Variants in ALG2 observed in about 807,000 individuals in gnomAD.
ALG2 encodes the protein alpha-1,3/1,6-mannosyltransferase ALG2.
ALG2 carries 32 observed loss-of-function variants against 30.5 expected under a neutral mutation model. The observed-to-expected ratio is 1.05, with a 90% CI of 0.79 to 1.41. ALG2 has a LOEUF of 1.41. ALG2 is among the 40% of genes most tolerant of loss of function. The pLI, the probability that ALG2 is intolerant of heterozygous loss-of-function variation, is 0.00. For synonymous variants in ALG2, 253 were observed against 224.8 expected, an observed-to-expected ratio of 1.13 and a Z score of -1.12; for missense variants, 574 against 526.4, an observed-to-expected ratio of 1.09 and a Z score of -0.88.
rs387906281 is a variant in ALG2 at position 99,218,144 on chromosome 9, AC to A, written c.1040del (p.Gly347ValfsTer27). 89 of 1,611,228 alleles carry A rather than the reference AC, an allele frequency of 5.5e-5. No individual in the cohort carries two copies. Among genetic ancestry groups the A allele is most frequent in the Non-Finnish European group, 7.0e-5 (83 of 1,177,870 alleles). On this transcript the variant is annotated frameshift_variant, in exon 2 of 2. Transcript: ENST00000476832. LOFTEE classifies it high-confidence loss of function. ...MQCPVIAVNS[G>X]GPLESIDHSV... is the part of the protein sequence containing the mutation. Reference sequence around the variant, plus strand: ...TGTGGTCAATGGACTCCAAGGGTCCACCCGAATTAACAGCAATGACTGGGCA... The same window carrying A: ...TGTGGTCAATGGACTCCAAGGGTCCACCGAATTAACAGCAATGACTGGGCA...
intron 1 of ALG2, 82 bp downstream of exon 1, chr9:99,221,465 G>T: frequency 7.1e-7 from 1 of 1,410,696 alleles, no homozygotes; most frequent in Non-Finnish European, 9.7e-7. Context: ...AGACAGGGAA[G>T]GTCTTCTCTC....
chr9:99,218,884 C>A, intron 1 of ALG2, 48 bp from the exon 2 acceptor site: 1 of 1,596,226 alleles, frequency 6.3e-7, no homozygotes, highest in South Asian at 1.1e-5. Context: ...AACTCAACTT[C>A]AACCAAACCA....
In ALG2 at chr9:99,218,458, C is replaced by T. The variant is rs1253859837; in HGVS notation, c.727G>A (p.Ala243Thr). The T allele has an allele frequency of 6.2e-7, 1 of 1,614,232 alleles. No homozygotes were observed. Among genetic ancestry groups the T allele is most frequent in the South Asian group, 1.1e-5 (1 of 91,080 alleles). Residue 243 changes from alanine to threonine, a missense_variant, in exon 2 of 2, where the codon GCA becomes ACA. Coordinates refer to ENST00000476832, the MANE Select transcript of ALG2 (RefSeq NM_033087.4). ...CGCAGCTGTACTAGGGCTTCCAGTGCCAAAGTCAGATTTTTCTTCCTTTCG... is the reference window on the plus strand; with the variant it reads ...CGCAGCTGTACTAGGGCTTCCAGTGTCAAAGTCAGATTTTTCTTCCTTTCG... ...RYERKKNLTL[A>T]LEALVQLRGR...
At chr9:99,221,274 C>G (rs186098869) in intron 1 of ALG2, 34 of 1,040,326 alleles carry the variant, frequency 3.3e-5, no homozygotes, top group Non-Finnish European at 4.4e-5. Context: ...TCGGAATCAC[C>G]CTATGACCCA....
In ALG2 at chr9:99,221,498, C is replaced by A. The variant is rs370928507; in HGVS notation, c.348+49G>T. 2.6e-6 allele frequency: 4 copies of A among 1,530,298 alleles called. No individual in the cohort carries two copies. In the Admixed American group the frequency reaches 7.9e-5, roughly 30 times the overall value. 94.8% of individuals were successfully genotyped at this position (1,530,298 alleles called of 1,614,324 possible). ...CTCAGGGGTCATGCCCGCGGCCGCC[C>A]TCCACGGCGAGGTCCGCACTCGCGC... On this transcript the variant is annotated intron_variant, in intron 1 of 1. Transcript: ENST00000476832.
chr9:99,220,595 C>T (rs1194167302), intron 1 of ALG2, among the ~76,000 whole-genome samples: 4 of 152,020 alleles, frequency 2.6e-5, no homozygotes, highest in Non-Finnish European at 5.9e-5. Flanking sequence ...GCCGAGATCG[C>T]GCCACTGCAC....
At position 99,218,348 on chromosome 9, in the gene ALG2, T is replaced by C; in HGVS notation, c.837A>G (p.Glu279=). Residue 279 remains glutamate, a synonymous_variant, in exon 2 of 2, where the codon GAA becomes GAG. Transcript: ENST00000476832. The part of the protein sequence containing the change: ...GYDERVLENV[E]HYQELKKMVQ... ...CCATTTTCTTCAATTCCTGATAATG[T>C]TCCACATTCTCCAGGACTCTCTCGT... 6.2e-7 allele frequency: 1 copy of C among 1,614,204 alleles called. No individual in the cohort carries two copies.
Position 99,218,016 on chromosome 9 carries a change from C to G in ALG2, c.1169G>C (p.Gly390Ala). The G allele has an allele frequency of 1.2e-6, 2 of 1,614,214 alleles. No homozygotes were observed. The highest frequency in any genetic ancestry group is 1.7e-6 in the Non-Finnish European group (2 of 1,180,030). ...AAATTTTTCCTTCACTCTGGCTCTTCCAGCCAGGCCCATGGTGGCTTTTAA... is the reference window on the plus strand; with the variant it reads ...AAATTTTTCCTTCACTCTGGCTCTTGCAGCCAGGCCCATGGTGGCTTTTAA... ...PSLKATMGLA[G>A]RARVKEKFSP... is the part of the protein sequence containing the mutation. The change falls in exon 2 of 2, where the codon GGA (glycine) becomes GCA (alanine). Residue 390 changes from glycine to alanine, a missense_variant. Transcript: ENST00000476832.
At chr9:99,219,229 T>C (rs1366785291) in intron 1 of ALG2, among the ~76,000 whole-genome samples, 1 of 152,246 alleles carries the variant, frequency 6.6e-6, no homozygotes, top group Non-Finnish European at 1.5e-5. Context: ...TATTTCACAT[T>C]ACATCTTCAA....
chr9:99,217,716 C>T lies in ALG2; in HGVS notation c.*218G>A. 1 of 673,428 alleles carries T rather than the reference C, an allele frequency of 1.5e-6. No individual in the cohort carries two copies. The highest frequency in any genetic ancestry group is 2.7e-6 in the Non-Finnish European group (1 of 370,680). 41.7% of individuals were successfully genotyped at this position (673,428 alleles called of 1,614,324 possible). A position where few individuals can be genotyped will look rare whatever the true frequency, so the allele number is the denominator to read the frequency against. ...GAATGACACCACATTTGTAACTTAA[C>T]ACTGGCAAAATTTGGAATGATTATA... On this transcript the variant is annotated 3_prime_UTR_variant, in exon 2 of 2. Transcript: ENST00000476832.
intron 1 of ALG2, among the ~76,000 whole-genome samples, chr9:99,220,583 G>A (rs957278005): frequency 6.6e-6 from 1 of 152,158 alleles, no homozygotes; most frequent in African/African-American, 2.4e-5. Flanking sequence ...AGGTTGCAGT[G>A]AGCCGAGATC....
chr9:99,221,622 G>A lies in ALG2; in HGVS notation c.273C>T (p.Tyr91=). 3 of 1,541,910 alleles carry A rather than the reference G, an allele frequency of 1.9e-6. No homozygotes were observed. Among genetic ancestry groups the A allele is most frequent in the Middle Eastern group, 1.7e-4 (1 of 5,916 alleles). ...AGAGCGCCAGGAAAACCATGCGCAC[G>A]TAGGCGCAGACGGCGGCGCCGCGGC... is the stretch of plus-strand genomic sequence containing the variant. ...WGGRGAAVCA[Y]VRMVFLALYV... The change falls in exon 1 of 2, where the codon TAC becomes TAT. Residue 91 remains tyrosine, a synonymous_variant. Coordinates refer to ENST00000476832, the MANE Select transcript of ALG2 (RefSeq NM_033087.4).
intron 1 of ALG2, 99 bp downstream of exon 1, chr9:99,221,448 G>A (rs557507140): frequency 1.5e-6 from 2 of 1,343,228 alleles, no homozygotes; most frequent in African/African-American, 1.4e-5. Context: ...CGATCTTTGC[G>A]AACCGCAGAC....
In ALG2 at chr9:99,218,705, G is replaced by A; in HGVS notation, c.480C>T (p.Asp160=). Residue 160 remains aspartate, a synonymous_variant, in exon 2 of 2, where the codon GAC becomes GAT. Transcript: ENST00000476832. ...FLKRLYRAPI[D]WIEEYTTGMA... Reference sequence around the variant, plus strand: ...TGCCTGTGGTGTATTCCTCTATCCAGTCAATTGGGGCCCTGTATAGTCGTT... The same window carrying A: ...TGCCTGTGGTGTATTCCTCTATCCAATCAATTGGGGCCCTGTATAGTCGTT... 1 of 1,614,172 alleles carries A rather than the reference G, an allele frequency of 6.2e-7. No individual in the cohort carries two copies. Among genetic ancestry groups the A allele is most frequent in the African/African-American group, 1.3e-5 (1 of 75,040 alleles).
In ALG2 at chr9:99,218,611, A is replaced by G. The variant is rs774484422; in HGVS notation, c.574T>C (p.Ser192Pro). ...AVFKETFKSL[S>P]HIDPDVLYPS... ...TAGAGGACATCAGGGTCTATGTGAG[A>G]CAGGGACTTGAATGTTTCCTTAAAA... The change falls in exon 2 of 2, where the codon TCT (serine) becomes CCT (proline). Residue 192 changes from serine to proline, a missense_variant. Coordinates refer to ENST00000476832, the MANE Select transcript of ALG2 (RefSeq NM_033087.4). 4 of 1,614,098 alleles carry G rather than the reference A, an allele frequency of 2.5e-6. No individual in the cohort carries two copies. The East Asian group carries it at 6.7e-5, about 27-fold the overall frequency.
In ALG2 at chr9:99,218,579, A is replaced by C; in HGVS notation, c.606T>G (p.Ser202=). 6.2e-7 allele frequency: 1 copy of C among 1,614,238 alleles called. No individual in the cohort carries two copies. The highest frequency in any genetic ancestry group is 8.5e-7 in the Non-Finnish European group (1 of 1,180,042). The stretch of plus-strand genomic sequence containing the variant: ...CTGAGTCAAAGCTGGTGACATTTAG[A>C]GATGGATAGAGGACATCAGGGTCTA... ...SHIDPDVLYP[S]LNVTSFDSVV... is the part of the protein sequence containing the mutation. Residue 202 remains serine, a synonymous_variant, in exon 2 of 2, where the codon TCT becomes TCG. Transcript: ENST00000476832.
intron 1 of ALG2, 81 bp downstream of exon 1, chr9:99,221,466 G>A (rs1828799195): frequency 2.1e-6 from 3 of 1,419,348 alleles, no homozygotes; most frequent in Non-Finnish European, 1.9e-6. Flanking sequence ...GACAGGGAAG[G>A]TCTTCTCTCA....
Position 99,221,553 on chromosome 9 carries a change from G to C in ALG2, c.342C>G (p.Cys114Trp), listed in dbSNP as rs1828801770. The change falls in exon 1 of 2, where the codon TGC becomes TGG. Residue 114 changes from cysteine (C) to tryptophan (W), a missense_variant. Cys to Trp is a radical substitution (Grantham distance 215). Coordinates refer to ENST00000476832, the MANE Select transcript of ALG2 (RefSeq NM_033087.4). ...GGCCCCGCGGCCGCCTCACCTGGTC[G>C]CACACTACCACGTCGAACTCCTCGT... ...LADEEFDVVV[C>W]DQVSACIPVF... The C allele has an allele frequency of 4.5e-6, 7 of 1,543,442 alleles. No homozygotes were observed. Among genetic ancestry groups the C allele is most frequent in the African/African-American group, 4.1e-5 (3 of 72,942 alleles).
rs747452957 is a variant in ALG2 at position 99,218,117 on chromosome 9, A to G, written c.1068T>C (p.Ser356=). Residue 356 remains serine, a synonymous_variant, in exon 2 of 2, where the codon AGT becomes AGC. Coordinates refer to ENST00000476832, the MANE Select transcript of ALG2 (RefSeq NM_033087.4). ...CAGGCTCACACAGAAACCCTGTGACACTGTGGTCAATGGACTCCAAGGGTC... is the reference window on the plus strand; with the variant it reads ...CAGGCTCACACAGAAACCCTGTGACGCTGTGGTCAATGGACTCCAAGGGTC... ...SGGPLESIDH[S]VTGFLCEPDP... The G allele has an allele frequency of 2.5e-6, 4 of 1,612,402 alleles. No individual in the cohort carries two copies. The highest frequency in any genetic ancestry group is 2.7e-5 in the African/African-American group (2 of 74,836).
Sources: allele counts gnomAD v4.1 joint callset (sites outside exome capture counted in the v4.1 genomes callset), GRCh38; gene constraint gnomAD v4.1.1; transcripts MANE v1.5; gene names NCBI Gene and HGNC (gene_info 2026-07-23, HGNC 2026-07-21).